IRAK2: variants seen among roughly 807,000 people sequenced by gnomAD.
IRAK2 encodes interleukin 1 receptor associated kinase 2.
A neutral mutation model predicts 72.0 loss-of-function variants in IRAK2; 57 were observed. That is an observed-to-expected ratio of 0.79 (90% CI 0.64 to 0.99). The LOEUF (loss-of-function observed/expected upper bound fraction) is 0.99. IRAK2 is among the 50% of genes least tolerant of loss of function. The pLI is 0.00. For synonymous variants in IRAK2, 293 were observed against 312.7 expected, an observed-to-expected ratio of 0.94 and a Z score of 0.67; for missense variants, 790 against 794.4, an observed-to-expected ratio of 0.99 and a Z score of 0.07.
At chr3:10,166,954 T>C (rs1199771790) in intron 1 of IRAK2, among the ~76,000 whole-genome samples, 3 of 152,250 alleles carry the variant, frequency 2.0e-5, no homozygotes, top group African/African-American at 4.8e-5. Flanking sequence ...CTGGCTTCAC[T>C]ACTTTGAATG....
chr3:10,228,026 C>T (rs1318680665), intron 10 of IRAK2, among the ~76,000 whole-genome samples: 1 of 151,936 alleles, frequency 6.6e-6, no homozygotes, highest in Admixed American at 6.6e-5. Context: ...ATTATCATTC[C>T]CATTTACAGC....
rs116466362 is a variant in IRAK2, at chr3:10,166,713, C to T, written c.94+1665C>T. Reference sequence around the variant, plus strand: ...AGGCTGGAATGCAGTGGCGAGATCTCGGCTCACTGCAGCTTCCGCCTCTTG... The same window carrying T: ...AGGCTGGAATGCAGTGGCGAGATCTTGGCTCACTGCAGCTTCCGCCTCTTG... On this transcript the variant is annotated intron_variant, in intron 1 of 12. Transcript: ENST00000256458. 3.6e-3 allele frequency among the ~76,000 whole-genome samples: 552 copies of T among 152,272 alleles called. 3 individuals carry two copies. The highest frequency in any genetic ancestry group is 5.4e-3 in the Non-Finnish European group (366 of 68,010).
intron 3 of IRAK2, among the ~76,000 whole-genome samples, chr3:10,207,992 C>CA (rs35298616): frequency 0.46 from 43,993 of 94,776 alleles, 9,696 homozygotes; most frequent in Non-Finnish European, 0.54. Context: ...ACTCTGTTTC[C>CA]AAAAAAAAAA....
At chr3:10,181,263 T>TC (rs1475812046) in intron 2 of IRAK2, among the ~76,000 whole-genome samples, 1 of 151,576 alleles carries the variant, frequency 6.6e-6, no homozygotes, top group Non-Finnish European at 1.5e-5. Flanking sequence ...CTCCTTACAT[T>TC]CCCCCTGCGA....
intron 1 of IRAK2, among the ~76,000 whole-genome samples, chr3:10,174,121 G>T (rs1290938032): frequency 1.3e-5 from 2 of 152,160 alleles, no homozygotes; most frequent in Non-Finnish European, 2.9e-5. Context: ...CGTGGGGGGA[G>T]ATGGTCCTTC....
At chr3:10,200,685 C>T (rs1697345343) in intron 3 of IRAK2, among the ~76,000 whole-genome samples, 170 bp downstream of exon 3, 1 of 152,164 alleles carries the variant, frequency 6.6e-6, no homozygotes, top group Non-Finnish European at 1.5e-5. Context: ...TGGCTTGAGC[C>T]CAGGAGTTTG....
Position 10,216,999 on chromosome 3 carries a change from T to TCTACC in IRAK2, c.856_860dup (p.Tyr288ThrfsTer84), listed in dbSNP as rs765831660. ...GCTGCAAGACAGTTTCACAGCTTCATCTACCCCTACATGGCAAATGGTTCC... is the reference window on the plus strand; with the variant it reads ...GCTGCAAGACAGTTTCACAGCTTCATCTACCCTACCCCTACATGGCAAATGGTTCC... On this transcript the variant is annotated frameshift_variant, in exon 7 of 13. Coordinates refer to ENST00000256458, the MANE Select transcript of IRAK2 (RefSeq NM_001570.4). LOFTEE classifies it high-confidence loss of function. 6.8e-6 allele frequency: 11 copies of TCTACC among 1,614,192 alleles called. No homozygotes were observed. Among genetic ancestry groups the TCTACC allele is most frequent in the Admixed American group, 3.3e-5 (2 of 60,016 alleles).
rs752459855 is a variant in IRAK2 at position 10,234,640 on chromosome 3, G to GT, written c.1455dup (p.Asn486Ter). 3.7e-6 allele frequency: 6 copies of GT among 1,612,898 alleles called. No individual in the cohort carries two copies. Among genetic ancestry groups the GT allele is most frequent in the Admixed American group, 3.3e-5 (2 of 60,006 alleles). ...GCTGCCTGCCTGTGCCTGCGGAGGCGTAACACCAGCCTGCAGGAGGTGAGC... is the reference window on the plus strand; with the variant it reads ...GCTGCCTGCCTGTGCCTGCGGAGGCGTTAACACCAGCCTGCAGGAGGTGAGC... On this transcript the variant is annotated frameshift_variant, in exon 11 of 13. Transcript: ENST00000256458. LOFTEE classifies it high-confidence loss of function.
At position 10,205,845 on chromosome 3, in the gene IRAK2, A is replaced by G. The variant is rs185943347; in HGVS notation, c.425-3744A>G. ...TGAGGTGGCACAGACATGGCCAAAA[A>G]CTTGGAGACCGGATGAACATAACTG... On this transcript the variant is annotated intron_variant, in intron 3 of 12. Coordinates refer to ENST00000256458, the MANE Select transcript of IRAK2 (RefSeq NM_001570.4). 1.5e-4 allele frequency among the ~76,000 whole-genome samples: 23 copies of G among 152,342 alleles called. No individual in the cohort carries two copies. In the East Asian group the frequency reaches 4.0e-3, roughly 27 times the overall value.
intron 12 of IRAK2, among the ~76,000 whole-genome samples, chr3:10,240,537 GCCCC>G (rs781428702): frequency 5.5e-4 from 5 of 9,140 alleles, no homozygotes; most frequent in African/African-American, 5.3e-4. Context: ...AAATTAGGAA[GCCCC>G]CCCCCCCCCC....
chr3:10,221,649 C>T (rs537889443), intron 8 of IRAK2, among the ~76,000 whole-genome samples: 10 of 152,108 alleles, frequency 6.6e-5, no homozygotes, highest in African/African-American at 2.4e-4. Flanking sequence ...ACCTTAGCCT[C>T]CCAAGTAGCT....
At chr3:10,221,074 C>T (rs1027506124) in intron 8 of IRAK2, among the ~76,000 whole-genome samples, 6 of 151,664 alleles carry the variant, frequency 4.0e-5, no homozygotes, top group South Asian at 2.1e-4. Flanking sequence ...CATTTGCGGG[C>T]GTGCACACAC....
chr3:10,200,393 G>A lies in IRAK2; in HGVS notation c.302G>A (p.Cys101Tyr), dbSNP rs374875741. The change falls in exon 3 of 13, where the codon TGT becomes TAT. Residue 101 changes from cysteine (C) to tyrosine (Y), a missense_variant. Coordinates refer to ENST00000256458, the MANE Select transcript of IRAK2 (RefSeq NM_001570.4). ...GGGAAACCGGCTCCTGAAATCAGGT[G>A]TCCCATTCCAGCCTTCCCTGACTCT... is the stretch of plus-strand genomic sequence containing the variant. ...LNWKPAPEIRCPIPAFPDSVK... is the reference protein window; with the variant it reads ...LNWKPAPEIRYPIPAFPDSVK... 3.8e-6 allele frequency: 6 copies of A among 1,598,244 alleles called. No homozygotes were observed. Among genetic ancestry groups the A allele is most frequent in the African/African-American group, 1.3e-5 (1 of 74,414 alleles).
At chr3:10,185,736 C>T (rs890173675) in intron 2 of IRAK2, among the ~76,000 whole-genome samples, 2 of 151,098 alleles carry the variant, frequency 1.3e-5, no homozygotes, top group Non-Finnish European at 2.9e-5. Context: ...TTAGGCCAGG[C>T]GTGGTGGCTC....
intron 2 of IRAK2, among the ~76,000 whole-genome samples, chr3:10,191,499 A>T (rs781432545): frequency 6.6e-6 from 1 of 152,042 alleles, no homozygotes; most frequent in South Asian, 2.1e-4. Flanking sequence ...CGGCTCTTCA[A>T]CCTCACCTCT....
chr3:10,225,247 C>T (rs1264867211), intron 9 of IRAK2, among the ~76,000 whole-genome samples: 1 of 152,164 alleles, frequency 6.6e-6, no homozygotes, highest in Non-Finnish European at 1.5e-5. Context: ...AGAGGTTCCA[C>T]ACTAAGTGTG....
At chr3:10,192,710 GGAGTTC>G (rs1293248906) in intron 2 of IRAK2, among the ~76,000 whole-genome samples, 1 of 152,134 alleles carries the variant, frequency 6.6e-6, no homozygotes, top group African/African-American at 2.4e-5. Context: ...CCTGAGGTCA[GGAGTTC>G]GAGACCAGCC....
At chr3:10,215,751 T>TACAC (rs145978380) in intron 6 of IRAK2, among the ~76,000 whole-genome samples, 3,779 of 150,092 alleles carry the variant, frequency 0.025, 68 homozygotes, top group South Asian at 0.048. Flanking sequence ...CTCACATGTG[T>TACAC]ACACACACAC....
At chr3:10,217,997 T>A (rs1332808811) in intron 7 of IRAK2, among the ~76,000 whole-genome samples, 1 of 152,174 alleles carries the variant, frequency 6.6e-6, no homozygotes, top group Non-Finnish European at 1.5e-5. Flanking sequence ...CAAAGGAACA[T>A]AGAGGACAAA....
Sources: allele counts gnomAD v4.1 joint callset (sites outside exome capture counted in the v4.1 genomes callset), GRCh38; gene constraint gnomAD v4.1.1; transcripts MANE v1.5; gene names NCBI Gene and HGNC (gene_info 2026-07-23, HGNC 2026-07-21).